SPIDR: variants seen among roughly 807,000 people sequenced by gnomAD.
SPIDR encodes the protein DNA repair-scaffolding protein.
Under a neutral mutation model 104.6 loss-of-function variants are expected in SPIDR, and 93 were observed. The observed-to-expected ratio is 0.89, with a 90% confidence interval of 0.75 to 1.06. SPIDR has a LOEUF of 1.06. Among genes scored for constraint, SPIDR ranks in the 50% least tolerant of loss-of-function variants. SPIDR has a pLI of 0.00. For synonymous variants in SPIDR, 431 were observed against 416.9 expected (o/e 1.03, Z -0.41); for missense variants, 1,154 against 1,111.2 (o/e 1.04, Z -0.55).
At chr8:47,345,871 G>A (rs1336145740) in intron 5 of SPIDR, among the ~76,000 whole-genome samples, 5 of 152,148 alleles carry the variant, frequency 3.3e-5, no homozygotes, top group East Asian at 1.9e-4. Flanking sequence ...GGGTTGAGAC[G>A]ATGGGGTTTT....
chr8:47,380,897 A>T (rs1554645132), intron 5 of SPIDR, among the ~76,000 whole-genome samples: 1 of 152,188 alleles, frequency 6.6e-6, no homozygotes, highest in African/African-American at 2.4e-5. Context: ...CCATGTAAAC[A>T]GTGAAAGGAG....
At chr8:47,318,029 C>CA (rs2045754466) in intron 5 of SPIDR, among the ~76,000 whole-genome samples, 1 of 152,148 alleles carries the variant, frequency 6.6e-6, no homozygotes, top group Non-Finnish European at 1.5e-5. Context: ...CTCTAAAAAT[C>CA]AGAGTGCCTC....
intron 1 of SPIDR, among the ~76,000 whole-genome samples, chr8:47,275,338 T>C (rs1164638130): frequency 6.6e-6 from 1 of 152,154 alleles, no homozygotes; most frequent in Non-Finnish European, 1.5e-5. Context: ...TTTGATAATA[T>C]AAGCATTTGG....
chr8:47,622,084 G>C (rs772841350), intron 10 of SPIDR, among the ~76,000 whole-genome samples: 39 of 152,146 alleles, frequency 2.6e-4, no homozygotes, highest in Admixed American at 1.5e-3. Context: ...TTAGTGGCAG[G>C]CAGGAAGCAG....
chr8:47,337,255 G>A (rs1234352415), intron 5 of SPIDR, among the ~76,000 whole-genome samples: 27 of 152,064 alleles, frequency 1.8e-4, no homozygotes, highest in Admixed American at 1.7e-3. Context: ...TGCCTCCTGA[G>A]TAACTGGGAC....
chr8:47,294,701 G>C (rs967891031), intron 5 of SPIDR, among the ~76,000 whole-genome samples: 2 of 152,182 alleles, frequency 1.3e-5, no homozygotes, highest in Non-Finnish European at 2.9e-5. Flanking sequence ...TGCGATCGTA[G>C]CTCACTGTAG....
intron 5 of SPIDR, among the ~76,000 whole-genome samples, chr8:47,323,394 T>C (rs2047121789): frequency 6.6e-6 from 1 of 152,230 alleles, no homozygotes; most frequent in Non-Finnish European, 1.5e-5. Context: ...CACCTGAGTT[T>C]ATTTCTGGTT....
chr8:47,509,516 A>G (rs2082000671), intron 8 of SPIDR, among the ~76,000 whole-genome samples: 1 of 152,166 alleles, frequency 6.6e-6, no homozygotes, highest in Middle Eastern at 3.2e-3. Context: ...GGAGAGTGCC[A>G]CTTATAGACT....
intron 7 of SPIDR, 32 bp downstream of exon 7, chr8:47,407,993 G>T: frequency 8.3e-7 from 1 of 1,199,266 alleles, no homozygotes; most frequent in South Asian, 1.6e-5. Flanking sequence ...GAGACAATGT[G>T]TAAAAAAATA....
At chr8:47,455,257 G>A (rs782679950) in intron 8 of SPIDR, among the ~76,000 whole-genome samples, 7 of 152,096 alleles carry the variant, frequency 4.6e-5, no homozygotes, top group Non-Finnish European at 1.0e-4. Context: ...GAGATGTAGA[G>A]GAGCAGAGTG....
In SPIDR at chr8:47,280,007, C is replaced by T; in HGVS notation, c.179C>T (p.Ser60Phe). 1.2e-6 allele frequency: 2 copies of T among 1,613,574 alleles called. No homozygotes were observed. The highest frequency in any genetic ancestry group is 1.7e-6 in the Non-Finnish European group (2 of 1,179,816). The change falls in exon 2 of 20, where the codon TCT (serine) becomes TTT (phenylalanine). Residue 60 changes from serine to phenylalanine, a missense_variant. By Grantham distance (155) the Ser-to-Phe change is radical. Transcript: ENST00000297423. ...TGTGGAGAAGGGTTTCAGAACACTT[C>T]TGGGAATCCGGTAAAGTATCTGTAG... is the stretch of plus-strand genomic sequence containing the variant. ...LRCGEGFQNT[S>F]GNPSLTAEEK... is the part of the protein sequence containing the mutation.
chr8:47,358,782 T>C (rs1176129072), intron 5 of SPIDR, among the ~76,000 whole-genome samples: 2 of 152,246 alleles, frequency 1.3e-5, no homozygotes, highest in Non-Finnish European at 2.9e-5. Flanking sequence ...TCTGCTTTTA[T>C]GGGCTTTAGT....
chr8:47,312,118 A>G (rs2044299532), intron 5 of SPIDR, among the ~76,000 whole-genome samples: 1 of 152,142 alleles, frequency 6.6e-6, no homozygotes, highest in Non-Finnish European at 1.5e-5. Flanking sequence ...CCAGTCTATC[A>G]TTGTTGGACA....
intron 8 of SPIDR, chr8:47,592,043 A>C: frequency 1.1e-6 from 1 of 894,962 alleles, no homozygotes; most frequent in Non-Finnish European, 1.8e-6. Flanking sequence ...GGGCTTTTTT[A>C]TTCAGTAATG....
At chr8:47,465,921 CAAAG>C (rs1235719558) in intron 8 of SPIDR, among the ~76,000 whole-genome samples, 2 of 151,006 alleles carry the variant, frequency 1.3e-5, no homozygotes, top group Admixed American at 6.6e-5. Context: ...TCAAAAAAGA[CAAAG>C]AATCACATTA....
chr8:47,646,854 TTTATA>T (rs1230802442), intron 10 of SPIDR, among the ~76,000 whole-genome samples: 1 of 152,210 alleles, frequency 6.6e-6, no homozygotes, highest in African/African-American at 2.4e-5. Flanking sequence ...ATGAAAGGAC[TTTATA>T]TATAGTTATT....
At chr8:47,560,774 G>A (rs1439034104) in intron 8 of SPIDR, among the ~76,000 whole-genome samples, 1 of 152,014 alleles carries the variant, frequency 6.6e-6, no homozygotes. Flanking sequence ...GGGTGATCTA[G>A]CCATTTTTAA....
intron 2 of SPIDR, among the ~76,000 whole-genome samples, chr8:47,282,070 G>C (rs2154224377): frequency 6.6e-6 from 1 of 152,336 alleles, no homozygotes; most frequent in South Asian, 2.1e-4. Context: ...TAGTTTGAAA[G>C]AAATCTTTTT....
intron 5 of SPIDR, among the ~76,000 whole-genome samples, chr8:47,351,550 C>G (rs1221225604): frequency 6.6e-6 from 1 of 152,138 alleles, no homozygotes; most frequent in Non-Finnish European, 1.5e-5. Flanking sequence ...ACTTTTTGAA[C>G]ACAAGTTAAA....
Sources: gnomAD v4.1 joint callset for allele counts (sites outside exome capture counted in the v4.1 genomes callset) on GRCh38, gnomAD v4.1.1 for gene constraint, MANE v1.5 for transcripts, NCBI Gene and HGNC (gene_info 2026-07-23, HGNC 2026-07-21) for gene names.